The following MLLT10 variants were observed in gnomAD, a reference collection of about 807,000 sequenced individuals.
MLLT10 encodes the protein protein AF-10.
MLLT10 carries 30 observed loss-of-function variants against 129.1 expected under a neutral mutation model. That is an observed-to-expected ratio of 0.23 (90% confidence interval 0.17 to 0.32). The LOEUF (loss-of-function observed/expected upper bound fraction) is 0.32. MLLT10 is among the 10% of genes least tolerant of loss of function. The pLI is 1.00. For missense variants in MLLT10, 1,119 were observed against 1,268.3 expected (o/e 0.88, Z 1.79); for synonymous variants, 490 against 446.4 (o/e 1.10, Z -1.23).
intron 5 of MLLT10, among the ~76,000 whole-genome samples, chr10:21,603,810 A>G (rs948483133): frequency 2.7e-5 from 4 of 149,564 alleles, no homozygotes; most frequent in Non-Finnish European, 4.5e-5. Context: ...TCAGTGGTTG[A>G]CAGTTTTTGT....
intron 9 of MLLT10, among the ~76,000 whole-genome samples, chr10:21,662,226 C>CT (rs1470287703): frequency 1.3e-5 from 2 of 152,268 alleles, no homozygotes; most frequent in Admixed American, 6.5e-5. Flanking sequence ...TTGGCATCCT[C>CT]TAAGTTTCTT....
Position 21,588,916 on chromosome 10 carries a change from C to T in MLLT10, c.295+2568C>T, listed in dbSNP as rs527599436. On this transcript the variant is annotated intron_variant, in intron 4 of 22. Transcript: ENST00000307729. ...TTGGCTCACCGCAGCCTCTGCCTCC[C>T]CCTTTCAAGGGACTCTCCTGCCTCA... 5.3e-5 allele frequency among the ~76,000 whole-genome samples: 8 copies of T among 151,628 alleles called. No homozygotes were observed. In the South Asian group the frequency reaches 1.3e-3, roughly 24 times the overall value.
intron 19 of MLLT10, 23 bp downstream of exon 19, chr10:21,733,615 C>T (rs761410661): frequency 5.0e-5 from 75 of 1,498,240 alleles, no homozygotes; most frequent in Admixed American, 4.0e-4. Context: ...TGGTTATTTT[C>T]ATCTATGTTG....
intron 2 of MLLT10, among the ~76,000 whole-genome samples, chr10:21,538,389 C>A (rs1316928526): frequency 1.3e-5 from 2 of 151,938 alleles, no homozygotes; most frequent in Non-Finnish European, 2.9e-5. Context: ...TCTTGAACTC[C>A]CAACCTCAGG....
intron 8 of MLLT10, among the ~76,000 whole-genome samples, chr10:21,639,136 C>T (rs1267061429): frequency 9.2e-5 from 14 of 152,166 alleles, no homozygotes; most frequent in Admixed American, 9.2e-4. Context: ...CTGTCAAGAA[C>T]TATGAAAGAG....
At chr10:21,710,259 A>T (rs2055945860) in intron 13 of MLLT10, among the ~76,000 whole-genome samples, 1 of 152,174 alleles carries the variant, frequency 6.6e-6, no homozygotes, top group Non-Finnish European at 1.5e-5. Flanking sequence ...CAAGAGTTGT[A>T]AGTAAAATAC....
intron 6 of MLLT10, among the ~76,000 whole-genome samples, chr10:21,613,317 T>C (rs2044857419): frequency 6.6e-6 from 1 of 151,698 alleles, no homozygotes; most frequent in African/African-American, 2.4e-5. Context: ...TTGGGAATAA[T>C]CTGTGCACTA....
At chr10:21,561,556 G>A (rs764742379) in intron 3 of MLLT10, among the ~76,000 whole-genome samples, 2 of 152,308 alleles carry the variant, frequency 1.3e-5, no homozygotes, top group Non-Finnish European at 2.9e-5. Flanking sequence ...ACTGCACCCG[G>A]CCCAGTGGTA....
intron 13 of MLLT10, among the ~76,000 whole-genome samples, chr10:21,686,487 T>C (rs751723538): frequency 6.6e-6 from 1 of 152,184 alleles, no homozygotes; most frequent in Admixed American, 6.5e-5. Context: ...GTGTTTGAAA[T>C]TGGTTAGGTG....
intron 11 of MLLT10, among the ~76,000 whole-genome samples, chr10:21,678,427 T>G (rs2052410375): frequency 6.6e-6 from 1 of 152,134 alleles, no homozygotes; most frequent in Admixed American, 6.5e-5. Context: ...TCATGTAGTA[T>G]TTATTTTGCC....
chr10:21,560,409 A>C (rs1490312852), intron 3 of MLLT10, among the ~76,000 whole-genome samples: 1 of 152,022 alleles, frequency 6.6e-6, no homozygotes, highest in Admixed American at 6.6e-5. Context: ...AGTCTTTTTC[A>C]GTTTTCTTCA....
At chr10:21,711,318 G>A (rs1483022379) in intron 13 of MLLT10, among the ~76,000 whole-genome samples, 1 of 152,128 alleles carries the variant, frequency 6.6e-6, no homozygotes, top group Non-Finnish European at 1.5e-5. Context: ...AGCTACTAGG[G>A]AGGCTGAGGC....
intron 5 of MLLT10, among the ~76,000 whole-genome samples, chr10:21,599,950 T>TAA (rs2043364727): frequency 6.6e-6 from 1 of 152,226 alleles, no homozygotes; most frequent in Non-Finnish European, 1.5e-5. Context: ...TATTTAGATA[T>TAA]AAACATTTCA....
rs1450544986 is a variant in MLLT10, at chr10:21,721,461, C to T, written c.1879-4783C>T. ...GAGGACACTTGAACCTTTTCCCCCA[C>T]GCAGTCGACTCCTTTAGCATGAGCC... is the stretch of plus-strand genomic sequence containing the variant. On this transcript the variant is annotated intron_variant, in intron 14 of 22. Transcript: ENST00000307729. Among the ~76,000 whole-genome samples the T allele has an allele frequency of 3.9e-5, 6 of 152,246 alleles. No homozygotes were observed. The South Asian group carries it at 8.3e-4, about 21-fold the overall frequency.
chr10:21,624,861 C>T, intron 8 of MLLT10: 1 of 1,121,074 alleles, frequency 8.9e-7, no homozygotes, highest in Non-Finnish European at 1.3e-6. Context: ...ACCCCCTCTG[C>T]CACCCCTACA....
At chr10:21,652,383 T>C (rs2049131236) in intron 9 of MLLT10, among the ~76,000 whole-genome samples, 1 of 152,174 alleles carries the variant, frequency 6.6e-6, no homozygotes, top group Non-Finnish European at 1.5e-5. Flanking sequence ...ACTTACTGAT[T>C]GAGTGTTTAG....
At chr10:21,569,423 CA>C (rs2039960779) in intron 3 of MLLT10, among the ~76,000 whole-genome samples, 2 of 150,736 alleles carry the variant, frequency 1.3e-5, no homozygotes, top group Admixed American at 1.3e-4. Flanking sequence ...CATACCCAGC[CA>C]ATTTTTTTTT....
At chr10:21,653,871 A>G (rs2049296753) in intron 9 of MLLT10, among the ~76,000 whole-genome samples, 1 of 152,222 alleles carries the variant, frequency 6.6e-6, no homozygotes, top group Admixed American at 6.5e-5. Context: ...TTAAAGCCAC[A>G]AGACTGAATG....
At chr10:21,603,559 A>C (rs11012749) in intron 5 of MLLT10, among the ~76,000 whole-genome samples, 82,981 of 151,906 alleles carry the variant, frequency 0.55, 23,080 homozygotes, top group African/African-American at 0.62. Flanking sequence ...ATAACAAACA[A>C]CCTGTGTAGA....
Sources: allele counts gnomAD v4.1 joint callset (sites outside exome capture counted in the v4.1 genomes callset), GRCh38; gene constraint gnomAD v4.1.1; transcripts MANE v1.5; gene names NCBI Gene and HGNC (gene_info 2026-07-23, HGNC 2026-07-21).